MYO18A: variants seen among roughly 807,000 people sequenced by gnomAD.
MYO18A encodes the protein unconventional myosin-XVIIIa.
A neutral mutation model predicts 235.8 loss-of-function variants in MYO18A; 78 were observed. The ratio of observed to expected loss-of-function variants is 0.33; its 90% confidence interval spans 0.28 to 0.40. The LOEUF (loss-of-function observed/expected upper bound fraction) is 0.40. Among genes scored for constraint, MYO18A ranks in the 10% least tolerant of loss-of-function variants. The pLI is 1.00. For synonymous variants in MYO18A, 977 were observed against 1,077.8 expected, an observed-to-expected ratio of 0.91 and a Z score of 1.83; for missense variants, 2,215 against 2,699.3, an observed-to-expected ratio of 0.82 and a Z score of 3.98.
intron 19 of MYO18A, 42 bp from the exon 20 acceptor site, chr17:29,107,231 G>A: frequency 6.3e-7 from 1 of 1,583,444 alleles, no homozygotes; most frequent in Non-Finnish European, 8.7e-7. Context: ...AACGCCACCT[G>A]CTCCCAGCAC....
At chr17:29,075,774 GC>G (rs1466434516) in intron 41 of MYO18A, 52 of 152,904 alleles carry the variant, frequency 3.4e-4, no homozygotes, top group Non-Finnish European at 2.9e-5. Flanking sequence ...TACTCCTCCT[GC>G]CTCCACTGCC....
rs373988456 is a variant in MYO18A at position 29,094,604 on chromosome 17, C to T, written c.4710+46G>A. On this transcript the variant is annotated intron_variant, in intron 30 of 41. Transcript: ENST00000527372. The stretch of plus-strand genomic sequence containing the variant: ...CTGAGGCTGGCTGTGGGGATGGTGG[C>T]GGCCTCGCTGCACCTCACCTCTCCC... The T allele has an allele frequency of 3.2e-4, 514 of 1,593,692 alleles. 9 individuals are homozygous for T. In the South Asian group the frequency reaches 4.7e-3, roughly 14 times the overall value.
chr17:29,151,796 G>C (rs975767661), intron 2 of MYO18A, among the ~76,000 whole-genome samples: 6 of 152,224 alleles, frequency 3.9e-5, no homozygotes, highest in Admixed American at 3.9e-4. Context: ...AGAATCAGAA[G>C]TCCCAACAGA....
At chr17:29,146,194 G>C (rs1425859587) in intron 2 of MYO18A, among the ~76,000 whole-genome samples, 2 of 152,138 alleles carry the variant, frequency 1.3e-5, no homozygotes. Flanking sequence ...GGAGGCAGAG[G>C]TTGCAGTGAG....
At position 29,107,130 on chromosome 17, in the gene MYO18A, G is replaced by A; in HGVS notation, c.3391C>T (p.His1131Tyr). The A allele has an allele frequency of 1.2e-6, 2 of 1,614,006 alleles. No homozygotes were observed. Among genetic ancestry groups the A allele is most frequent in the Non-Finnish European group, 1.7e-6 (2 of 1,179,896 alleles). ...FRRRFDVLAPHLTKKHGRNYI... is the reference protein window; with the variant it reads ...FRRRFDVLAPYLTKKHGRNYI... ...TTACGCCCGTGTTTCTTGGTCAGGTGCGGGGCCAGGACATCAAAGCGGCGG... is the reference window on the plus strand; with the variant it reads ...TTACGCCCGTGTTTCTTGGTCAGGTACGGGGCCAGGACATCAAAGCGGCGG... The change falls in exon 20 of 42, where the codon CAC becomes TAC. Residue 1131 changes from histidine to tyrosine, a missense_variant. Coordinates refer to ENST00000527372, the MANE Select transcript of MYO18A (RefSeq NM_078471.4).
chr17:29,086,996 C>T lies in MYO18A; in HGVS notation c.5652G>A (p.Lys1884=). The change falls in exon 38 of 42, where the codon AAG becomes AAA. Residue 1884 remains lysine, a synonymous_variant. Transcript: ENST00000527372. ...KRLQRQLRDT[K]EEMGELARKE... ...TCCTGGCAAGCTCGCCCATCTCCTC[C>T]TTGGTGTCCCGGAGCTGCCTCTGTA... 1 of 1,614,024 alleles carries T rather than the reference C, an allele frequency of 6.2e-7. No homozygotes were observed. Among genetic ancestry groups the T allele is most frequent in the Admixed American group, 1.7e-5 (1 of 60,024 alleles).
chr17:29,114,290 C>G (rs1315726443), intron 14 of MYO18A, 193 bp from the exon 15 acceptor site: 9 of 569,468 alleles, frequency 1.6e-5, no homozygotes, highest in Non-Finnish European at 2.5e-5. Flanking sequence ...CTAAAATTCT[C>G]AGAACCTCTT....
rs777618687 is a variant in MYO18A at position 29,166,051 on chromosome 17, C to T, written c.890G>A (p.Arg297Gln). The T allele has an allele frequency of 1.5e-5, 24 of 1,613,628 alleles. No individual in the cohort carries two copies. The highest frequency in any genetic ancestry group is 1.6e-4 in the Middle Eastern group (1 of 6,084). ...GAGCCGCACGCTGTCCCCTGACTGC[C>T]GGATCATCTCCACAATCTCATCCCT... ...KSRDEIVEMIRQSGDSVRLKV... is the reference protein window; with the variant it reads ...KSRDEIVEMIQQSGDSVRLKV... The change falls in exon 2 of 42, where the codon CGG becomes CAG. Residue 297 changes from arginine to glutamine, a missense_variant. By Grantham distance (43) the Arg-to-Gln change is conservative (BLOSUM62 1). Transcript: ENST00000527372.
At chr17:29,128,200 G>A (rs1007402419) in intron 2 of MYO18A, 1 of 1,154,420 alleles carries the variant, frequency 8.7e-7, no homozygotes, top group South Asian at 1.6e-5. Flanking sequence ...GGGGAGGTGG[G>A]GGAGGGGGTG....
At chr17:29,076,623 G>A (rs1053152362) in intron 41 of MYO18A, 2 of 152,196 alleles carry the variant, frequency 1.3e-5, no homozygotes, top group East Asian at 3.9e-4. Context: ...TAGGCCAAAG[G>A]CACTTAGGGA....
chr17:29,144,329 C>T (rs538637602), intron 2 of MYO18A, among the ~76,000 whole-genome samples: 3 of 152,312 alleles, frequency 2.0e-5, no homozygotes, highest in Admixed American at 6.5e-5. Context: ...CCTGGCTCTC[C>T]GTCATTTGCC....
chr17:29,090,148 G>A, intron 36 of MYO18A, 50 bp from the exon 37 acceptor site: 2 of 1,581,870 alleles, frequency 1.3e-6, no homozygotes, highest in East Asian at 4.6e-5. Context: ...CAGAAAGGGA[G>A]GAGACTGCGT....
chr17:29,095,686 C>A (rs748527857), intron 28 of MYO18A, among the ~76,000 whole-genome samples: 1 of 152,232 alleles, frequency 6.6e-6, no homozygotes, highest in Admixed American at 6.5e-5. Flanking sequence ...CCATTTCCCA[C>A]TAAATATGGA....
At chr17:29,168,641 C>A (rs927909895) in intron 1 of MYO18A, among the ~76,000 whole-genome samples, 3 of 152,164 alleles carry the variant, frequency 2.0e-5, no homozygotes, top group African/African-American at 7.2e-5. Flanking sequence ...CTGAGAGGGA[C>A]CATCCTTCAA....
At chr17:29,108,369 G>A (rs930430360) in intron 19 of MYO18A, among the ~76,000 whole-genome samples, 29 of 152,288 alleles carry the variant, frequency 1.9e-4, no homozygotes, top group East Asian at 1.9e-4. Flanking sequence ...AGCAGGAAGT[G>A]ACCCCAAGTC....
At chr17:29,122,292 G>A in intron 2 of MYO18A, 39 bp from the exon 3 acceptor site, 1 of 1,566,610 alleles carries the variant, frequency 6.4e-7, no homozygotes, top group East Asian at 2.3e-5. Flanking sequence ...CCCTGCTATG[G>A]AAGACAGGGA....
intron 20 of MYO18A, among the ~76,000 whole-genome samples, 166 bp from the exon 21 acceptor site, chr17:29,103,830 T>C (rs898434336): frequency 1.3e-5 from 2 of 152,202 alleles, no homozygotes; most frequent in African/African-American, 2.4e-5. Context: ...TCTGGGGACA[T>C]AGAGATGACT....
rs2065910105 is a variant in MYO18A, at chr17:29,073,516, G to A, written c.*1254C>T. On this transcript the variant is annotated 3_prime_UTR_variant, in exon 42 of 42. Transcript: ENST00000527372. The stretch of plus-strand genomic sequence containing the variant: ...TGAAGGAACAGGCAGGAAAACTGGC[G>A]CAGCCAGGAGGAAAAGGGCCTTTAT... The A allele has an allele frequency of 1.0e-5, 2 of 200,296 alleles. No homozygotes were observed. Among genetic ancestry groups the A allele is most frequent in the Admixed American group, 5.7e-5 (1 of 17,596 alleles). 12.4% of individuals were successfully genotyped at this position (200,296 alleles called of 1,614,324 possible).
At position 29,111,475 on chromosome 17, in the gene MYO18A, T is replaced by C. The variant is rs905886740; in HGVS notation, c.2849A>G (p.Lys950Arg). 1.2e-6 allele frequency: 2 copies of C among 1,612,424 alleles called. No individual in the cohort carries two copies. Among genetic ancestry groups the C allele is most frequent in the African/African-American group, 2.7e-5 (2 of 74,884 alleles). The part of the protein sequence containing the change: ...YNVTGWLNYT[K>R]QNPATQNAPR... ...GGCATTCTGGGTGGCTGGGTTCTGCTTGGTGTAGTTCAGCCAGCCAGTCAC... is the reference window on the plus strand; with the variant it reads ...GGCATTCTGGGTGGCTGGGTTCTGCCTGGTGTAGTTCAGCCAGCCAGTCAC... Residue 950 changes from lysine (K) to arginine (R), a missense_variant, in exon 17 of 42, where the codon AAG becomes AGG. Coordinates refer to ENST00000527372, the MANE Select transcript of MYO18A (RefSeq NM_078471.4). This position sits in a 1 kb window ranked among gnomAD's most constrained non-coding sequence, Gnocchi z 5.1.
Sources: allele counts gnomAD v4.1 joint callset (sites outside exome capture counted in the v4.1 genomes callset), GRCh38; gene constraint gnomAD v4.1.1; non-coding constraint Gnocchi (gnomAD v3.1); transcripts MANE v1.5; gene names NCBI Gene and HGNC (gene_info 2026-07-23, HGNC 2026-07-21).